Variants in LRRIQ3 observed in about 807,000 individuals in gnomAD.
LRRIQ3 encodes leucine rich repeats and IQ motif containing 3, also known as leucine-rich repeat and IQ domain-containing protein 3.
LRRIQ3 carries 75 observed loss-of-function variants against 59.3 expected under a neutral mutation model. That is an observed-to-expected ratio of 1.26 (90% CI 1.05 to 1.53). LRRIQ3 has a LOEUF of 1.53. Ranked by LOEUF, LRRIQ3 falls within the 40% of genes most tolerant of loss-of-function variation. The pLI, the probability that LRRIQ3 is intolerant of heterozygous loss-of-function variation, is 0.00. For synonymous variants in LRRIQ3, 250 were observed against 231.3 expected, an observed-to-expected ratio of 1.08 and a Z score of -0.73; for missense variants, 831 against 710.0, an observed-to-expected ratio of 1.17 and a Z score of -1.94.
intron 5 of LRRIQ3, among the ~76,000 whole-genome samples, chr1:74,076,708 T>C (rs1646214274): frequency 6.6e-6 from 1 of 152,080 alleles, no homozygotes; most frequent in Admixed American, 6.6e-5. Flanking sequence ...TATGTGATAT[T>C]CTCTAATTTA....
chr1:74,069,849 G>T (rs1275444731), intron 6 of LRRIQ3, among the ~76,000 whole-genome samples: 1 of 151,890 alleles, frequency 6.6e-6, no homozygotes, highest in Non-Finnish European at 1.5e-5. Flanking sequence ...GTTGAATTTT[G>T]AATGCCTAGG....
intron 1 of LRRIQ3, among the ~76,000 whole-genome samples, chr1:74,186,219 G>A (rs1650366949): frequency 6.6e-6 from 1 of 151,842 alleles, no homozygotes; most frequent in Non-Finnish European, 1.5e-5. Context: ...ATTCTCAACA[G>A]TGCTATTAAT....
intron 5 of LRRIQ3, among the ~76,000 whole-genome samples, chr1:74,097,568 C>T (rs1646466340): frequency 6.6e-6 from 1 of 152,076 alleles, no homozygotes; most frequent in South Asian, 2.1e-4. Context: ...CACAAAGATA[C>T]TCCTCGAGAA....
chr1:74,169,119 T>C (rs1429025452), intron 3 of LRRIQ3, among the ~76,000 whole-genome samples: 2 of 152,168 alleles, frequency 1.3e-5, no homozygotes, highest in Admixed American at 6.6e-5. Flanking sequence ...TTTGATTATC[T>C]ACTGCTGTAA....
chr1:74,142,063 T>C (rs942225523), intron 4 of LRRIQ3, among the ~76,000 whole-genome samples: 2 of 151,854 alleles, frequency 1.3e-5, no homozygotes, highest in African/African-American at 4.8e-5. Flanking sequence ...GACATTTGCA[T>C]TGATTCTGTA....
chr1:74,133,079 G>A (rs1334211459), intron 4 of LRRIQ3, among the ~76,000 whole-genome samples: 1 of 152,098 alleles, frequency 6.6e-6, no homozygotes, highest in East Asian at 1.9e-4. Flanking sequence ...CTCAAAAGAA[G>A]ACATTTATGC....
rs983934718 is a variant in LRRIQ3 at position 74,145,301 on chromosome 1, A to G, written c.707+10432T>C. ...TGACAGCTGCAACAGAATAATGGGG[A>G]GACAAGTAGCCAATAGTAACAGTAA... On this transcript the variant is annotated intron_variant, in intron 4 of 7. Transcript: ENST00000354431. Among the ~76,000 whole-genome samples, 3 of 152,284 alleles carry G rather than the reference A, an allele frequency of 2.0e-5. 1 individual carries two copies. The East Asian group carries it at 5.8e-4, about 29-fold the overall frequency.
intron 7 of LRRIQ3, among the ~76,000 whole-genome samples, chr1:74,031,047 C>A (rs1207286559): frequency 6.6e-6 from 1 of 152,142 alleles, no homozygotes; most frequent in Non-Finnish European, 1.5e-5. Context: ...AAATGCAAAT[C>A]AAAACCACAG....
chr1:74,114,106 G>A (rs1337579328), intron 4 of LRRIQ3, among the ~76,000 whole-genome samples: 1 of 151,714 alleles, frequency 6.6e-6, no homozygotes, highest in Admixed American at 6.6e-5. Flanking sequence ...GCACAAGGAG[G>A]CAGGTGAGAG....
chr1:74,189,642 T>C (rs910624901), intron 1 of LRRIQ3, among the ~76,000 whole-genome samples: 11 of 152,112 alleles, frequency 7.2e-5, no homozygotes, highest in African/African-American at 2.4e-5. Context: ...TGGGAGATAA[T>C]TGAATGATGG....
chr1:74,057,132 A>G (rs568548046), intron 6 of LRRIQ3, among the ~76,000 whole-genome samples: 5 of 152,228 alleles, frequency 3.3e-5, no homozygotes, highest in African/African-American at 1.2e-4. Flanking sequence ...CAGTGTGAGA[A>G]TGGTCTAATA....
At chr1:74,169,121 C>T (rs1366405152) in intron 3 of LRRIQ3, among the ~76,000 whole-genome samples, 5 of 152,132 alleles carry the variant, frequency 3.3e-5, no homozygotes, top group South Asian at 4.1e-4. Context: ...TGATTATCTA[C>T]TGCTGTAAAT....
chr1:74,046,006 G>T (rs111712042), intron 6 of LRRIQ3, among the ~76,000 whole-genome samples: 2 of 152,160 alleles, frequency 1.3e-5, no homozygotes, highest in East Asian at 3.9e-4. Context: ...TAGGAAGAAT[G>T]AATGTCATTA....
Position 74,198,155 on chromosome 1 carries a change from A to C in LRRIQ3, c.-160T>G. 1 of 1,506,958 alleles carries C rather than the reference A, an allele frequency of 6.6e-7. No homozygotes were observed. Among genetic ancestry groups the C allele is most frequent in the Non-Finnish European group, 8.8e-7 (1 of 1,131,020 alleles). 93.3% of individuals were successfully genotyped at this position (1,506,958 alleles called of 1,614,324 possible). ...CATCATGGTTTTCCGGGCGCCAGCC[A>C]AGGCGCTCCGGGGGCGTGGTTACGT... On this transcript the variant is annotated 5_prime_UTR_variant, in exon 1 of 8. Coordinates refer to ENST00000354431, the MANE Select transcript of LRRIQ3 (RefSeq NM_001105659.2).
chr1:74,042,022 A>G, intron 6 of LRRIQ3, 89 bp from the exon 7 acceptor site: 1 of 1,290,874 alleles, frequency 7.7e-7, no homozygotes. Context: ...ACTTGATAAG[A>G]ACCTTTTATT....
At position 74,033,044 on chromosome 1, in the gene LRRIQ3, A is replaced by T. The variant is rs190726822; in HGVS notation, c.1719-6075T>A. Reference sequence around the variant, plus strand: ...AAATAGATAAATTATCTTGTTGAGAAGGAGAGGCCATAAGTGGTGTTTGAA... The same window carrying T: ...AAATAGATAAATTATCTTGTTGAGATGGAGAGGCCATAAGTGGTGTTTGAA... On this transcript the variant is annotated intron_variant, in intron 7 of 7. Coordinates refer to ENST00000354431, the MANE Select transcript of LRRIQ3 (RefSeq NM_001105659.2). 2.7e-3 allele frequency among the ~76,000 whole-genome samples: 417 copies of T among 152,150 alleles called. 1 individual carries two copies. Among genetic ancestry groups the T allele is most frequent in the African/African-American group, 9.5e-3 (394 of 41,560 alleles).
chr1:74,136,410 G>A (rs962957357), intron 4 of LRRIQ3, among the ~76,000 whole-genome samples: 1 of 151,858 alleles, frequency 6.6e-6, no homozygotes, highest in Non-Finnish European at 1.5e-5. Flanking sequence ...CATTCCAGAT[G>A]GTGGCTACAC....
chr1:74,166,044 T>C (rs2100689554), intron 3 of LRRIQ3, among the ~76,000 whole-genome samples: 1 of 151,788 alleles, frequency 6.6e-6, no homozygotes, highest in East Asian at 1.9e-4. Flanking sequence ...TGTCTTTCAT[T>C]TTGGTATCCA....
At chr1:74,156,976 C>G (rs1048351769) in intron 3 of LRRIQ3, among the ~76,000 whole-genome samples, 3 of 152,044 alleles carry the variant, frequency 2.0e-5, no homozygotes, top group Non-Finnish European at 4.4e-5. Context: ...AAAACATACA[C>G]CTTTTCTGCA....
Sources: gnomAD v4.1 joint callset for allele counts (sites outside exome capture counted in the v4.1 genomes callset) on GRCh38, gnomAD v4.1.1 for gene constraint, MANE v1.5 for transcripts, NCBI Gene and HGNC (gene_info 2026-07-23, HGNC 2026-07-21) for gene names.